The following AFG2A variants were observed in gnomAD, a reference collection of about 807,000 sequenced individuals.
AFG2A encodes the protein ATPase family gene 2 protein homolog A.
the AFG2A span, among the ~76,000 whole-genome samples, chr4:123,229,138 T>TA: frequency 6.6e-6 from 1 of 151,934 alleles, no homozygotes; most frequent in Admixed American, 6.6e-5. Context: ...TTTAAGTATT[T>TA]AAAAAAATAG....
chr4:123,106,949 G>A, the AFG2A span, among the ~76,000 whole-genome samples: 1 of 152,256 alleles, frequency 6.6e-6, no homozygotes, highest in African/African-American at 2.4e-5. Flanking sequence ...CTGCTGCATG[G>A]GGTGGGCAGC....
At chr4:123,080,657 A>G in the AFG2A span, among the ~76,000 whole-genome samples, 2 of 151,440 alleles carry the variant, frequency 1.3e-5, no homozygotes, top group African/African-American at 4.9e-5. Flanking sequence ...TTGTATTTCC[A>G]TTTTGTACCT....
the AFG2A span, among the ~76,000 whole-genome samples, chr4:123,128,336 G>A: frequency 6.6e-6 from 1 of 152,114 alleles, no homozygotes; most frequent in African/African-American, 2.4e-5. Flanking sequence ...GGAAATTATT[G>A]GTAGAAGTAT....
the AFG2A span, among the ~76,000 whole-genome samples, chr4:123,051,162 T>C: frequency 6.6e-6 from 1 of 152,008 alleles, no homozygotes; most frequent in African/African-American, 2.4e-5. Context: ...TATGTAACTC[T>C]TCTTTTCGTT....
chr4:122,938,468 A>G, the AFG2A span, among the ~76,000 whole-genome samples: 1 of 152,282 alleles, frequency 6.6e-6, no homozygotes, highest in Non-Finnish European at 1.5e-5. Context: ...TTTTTCTAGC[A>G]TATAAAATAC....
chr4:123,272,768 G>GTTGAAAT, the AFG2A span, among the ~76,000 whole-genome samples: 923 of 152,190 alleles, frequency 6.1e-3, 4 homozygotes, highest in African/African-American at 0.021. Flanking sequence ...CAAAATAATA[G>GTTGAAAT]TTGAGATTTA....
chr4:123,226,764 G>A, the AFG2A span, among the ~76,000 whole-genome samples: 1 of 152,156 alleles, frequency 6.6e-6, no homozygotes, highest in Admixed American at 6.6e-5. Context: ...CCTGTTGATT[G>A]GAATAGTTTC....
chr4:123,190,766 A>G, the AFG2A span, among the ~76,000 whole-genome samples: 1 of 152,200 alleles, frequency 6.6e-6, no homozygotes, highest in East Asian at 1.9e-4. Context: ...ATTTTTTAAC[A>G]AAACACTCTA....
At chr4:123,225,918 G>A in the AFG2A span, among the ~76,000 whole-genome samples, 1 of 152,092 alleles carries the variant, frequency 6.6e-6, no homozygotes, top group African/African-American at 2.4e-5. Flanking sequence ...CCTTGAAGAG[G>A]TCCTTCACAT....
the AFG2A span, chr4:123,315,027 A>AT: frequency 6.6e-6 from 1 of 151,764 alleles, no homozygotes. Context: ...AAGTGCTGGG[A>AT]TTACAGGCGT....
At chr4:123,183,141 A>G in the AFG2A span, among the ~76,000 whole-genome samples, 4 of 152,148 alleles carry the variant, frequency 2.6e-5, no homozygotes, top group Admixed American at 1.3e-4. Context: ...AGTCAGTACC[A>G]TGGTTTTTAG....
the AFG2A span, among the ~76,000 whole-genome samples, chr4:123,094,991 G>T: frequency 7.3e-6 from 1 of 137,146 alleles, no homozygotes; most frequent in Admixed American, 8.1e-5. Flanking sequence ...ACCATGCAAG[G>T]TCCCTCATAC....
the AFG2A span, among the ~76,000 whole-genome samples, chr4:123,162,561 T>C: frequency 6.6e-6 from 1 of 152,148 alleles, no homozygotes. Context: ...TCTATAAAAT[T>C]TACTCATATT....
At chr4:122,957,017 T>C in the AFG2A span, among the ~76,000 whole-genome samples, 1 of 152,130 alleles carries the variant, frequency 6.6e-6, no homozygotes, top group African/African-American at 2.4e-5. Context: ...TGAGCCTCAG[T>C]TTTCTCCATT....
chr4:123,102,673 A>G, the AFG2A span, among the ~76,000 whole-genome samples: 2 of 151,978 alleles, frequency 1.3e-5, no homozygotes, highest in African/African-American at 4.8e-5. Flanking sequence ...AGTGTAGCCA[A>G]AACCTAAATC....
chr4:123,138,203 G>C, the AFG2A span, among the ~76,000 whole-genome samples: 1 of 152,118 alleles, frequency 6.6e-6, no homozygotes, highest in Non-Finnish European at 1.5e-5. Context: ...TGAGATTGTT[G>C]ATATAGATAA....
At chr4:123,079,384 T>C in the AFG2A span, among the ~76,000 whole-genome samples, 1 of 152,124 alleles carries the variant, frequency 6.6e-6, no homozygotes, top group Non-Finnish European at 1.5e-5. Context: ...AGCATATATA[T>C]AACTAAGGAT....
chr4:123,120,891 TA>T, the AFG2A span, among the ~76,000 whole-genome samples: 23 of 151,546 alleles, frequency 1.5e-4, no homozygotes, highest in Admixed American at 5.3e-4. Flanking sequence ...ACTCTGCTTA[TA>T]AAAAAAAATT....
the AFG2A span, among the ~76,000 whole-genome samples, chr4:122,936,537 TC>T: frequency 6.6e-6 from 1 of 152,196 alleles, no homozygotes; most frequent in Non-Finnish European, 1.5e-5. Context: ...AAGGGACAAA[TC>T]TTTTGCCCAT....
Sources: gnomAD v4.1 joint callset for allele counts (sites outside exome capture counted in the v4.1 genomes callset) on GRCh38, gnomAD v4.1.1 for gene constraint, MANE v1.5 for transcripts, NCBI Gene and HGNC (gene_info 2026-07-23, HGNC 2026-07-21) for gene names.